The following CPLANE1 variants were observed in gnomAD, a reference collection of about 807,000 sequenced individuals.
CPLANE1 encodes the protein ciliogenesis and planar polarity effector complex subunit 1.
Under a neutral mutation model 362.5 loss-of-function variants are expected in CPLANE1, and 263 were observed. That is an observed-to-expected ratio of 0.73 (90% confidence interval 0.66 to 0.80). The LOEUF (loss-of-function observed/expected upper bound fraction) is 0.80, where lower values mean the gene tolerates loss of function less well. Among genes scored for constraint, CPLANE1 ranks in the 30% least tolerant of loss-of-function variants. The probability of loss-of-function intolerance (pLI) is 0.00; values close to 1 mark genes in which losing one functional copy is unlikely to be tolerated. For synonymous variants in CPLANE1, 1,212 were observed against 1,302.6 expected (o/e 0.93, Z 1.50); for missense variants, 3,461 against 3,793.4 (o/e 0.91, Z 2.30).
chr5:37,150,811 C>A (rs1773321567), intron 42 of CPLANE1, among the ~76,000 whole-genome samples: 1 of 152,148 alleles, frequency 6.6e-6, no homozygotes, highest in Non-Finnish European at 1.5e-5. Context: ...GTTAATAACA[C>A]AGATTCCAGG....
intron 6 of CPLANE1, among the ~76,000 whole-genome samples, chr5:37,242,806 T>A: frequency 6.6e-6 from 1 of 151,546 alleles, no homozygotes; most frequent in Non-Finnish European, 1.5e-5. Flanking sequence ...GCAGGAGGAC[T>A]GCTTGAGCCC....
chr5:37,116,050 G>T (rs1561297055), intron 50 of CPLANE1, among the ~76,000 whole-genome samples: 2 of 151,880 alleles, frequency 1.3e-5, no homozygotes, highest in Non-Finnish European at 2.9e-5. Flanking sequence ...ACTTTGGGAG[G>T]CCAACATGGG....
At chr5:37,193,280 G>C (rs970170253) in intron 21 of CPLANE1, among the ~76,000 whole-genome samples, 1 of 152,150 alleles carries the variant, frequency 6.6e-6, no homozygotes, top group Non-Finnish European at 1.5e-5. Flanking sequence ...GACAATTGTT[G>C]CAAGTGGGTG....
chr5:37,096,469 G>A, the CPLANE1 span, among the ~76,000 whole-genome samples: 1 of 152,096 alleles, frequency 6.6e-6, no homozygotes, highest in Non-Finnish European at 1.5e-5. Flanking sequence ...GATAACATTG[G>A]AAAACCCCTT....
chr5:37,224,468 A>C, intron 13 of CPLANE1, 64 bp downstream of exon 13: 4 of 1,345,496 alleles, frequency 3.0e-6, no homozygotes, highest in Non-Finnish European at 4.1e-6. Flanking sequence ...CCAATTAGAA[A>C]TTCAAAGTCT....
intron 46 of CPLANE1, among the ~76,000 whole-genome samples, chr5:37,130,107 G>C (rs1234068053): frequency 6.6e-6 from 1 of 152,176 alleles, no homozygotes; most frequent in Non-Finnish European, 1.5e-5. Context: ...AACCTGGATG[G>C]AATTGGAGAC....
chr5:37,115,940 T>A (rs1452536919), intron 50 of CPLANE1, among the ~76,000 whole-genome samples: 1 of 151,986 alleles, frequency 6.6e-6, no homozygotes, highest in African/African-American at 2.4e-5. Context: ...ACTAATCATA[T>A]AATCTTTGTA....
chr5:37,241,111 G>T (rs925504523), intron 6 of CPLANE1, among the ~76,000 whole-genome samples: 63 of 151,904 alleles, frequency 4.1e-4, no homozygotes, highest in African/African-American at 1.5e-3. Context: ...ACTCCAGCCT[G>T]GGCAACAGAG....
chr5:37,209,691 G>A lies in CPLANE1; in HGVS notation c.2921-3266C>T. 2 of 1,264,572 alleles carry A rather than the reference G, an allele frequency of 1.6e-6. No homozygotes were observed. Among genetic ancestry groups the A allele is most frequent in the East Asian group, 4.6e-5 (2 of 43,108 alleles). 78.3% of individuals were successfully genotyped at this position (1,264,572 alleles called of 1,614,324 possible). Reference sequence around the variant, plus strand: ...AAAAGAAAAGGTATTTACTATGCAGGATCTATTACAACTCATTAAAATCAA... The same window carrying A: ...AAAAGAAAAGGTATTTACTATGCAGAATCTATTACAACTCATTAAAATCAA... On this transcript the variant is annotated intron_variant, in intron 16 of 52. Transcript: ENST00000651892. This position sits in a 1 kb window ranked among gnomAD's most constrained non-coding sequence, Gnocchi z 4.6.
At chr5:37,204,656 C>T (rs139760644) in intron 18 of CPLANE1, among the ~76,000 whole-genome samples, 1 of 151,452 alleles carries the variant, frequency 6.6e-6, no homozygotes, top group East Asian at 1.9e-4. Flanking sequence ...TGTATGAAGG[C>T]TACTCTCAAC....
In CPLANE1 at chr5:37,209,960, G is replaced by A. The variant is rs547919646; in HGVS notation, c.2921-3535C>T. ...TCAAGTTTGAGTCTTTAGAAATAAA[G>A]CTAAATGAATATAAGAGAGAAATAG... On this transcript the variant is annotated intron_variant, in intron 16 of 52. Transcript: ENST00000651892. This position sits in a 1 kb window ranked among gnomAD's most constrained non-coding sequence, Gnocchi z 4.6. 16 of 1,080,438 alleles carry A rather than the reference G, an allele frequency of 1.5e-5. No individual in the cohort carries two copies. Among genetic ancestry groups the A allele is most frequent in the Middle Eastern group, 2.9e-4 (1 of 3,456 alleles). The allele number at this position is 1,080,438 out of a possible 1,614,324, so 66.9% of individuals were successfully genotyped here. A position where few individuals can be genotyped will look rare whatever the true frequency, so the allele number is the denominator to read the frequency against.
At chr5:37,162,831 C>T (rs915599517) in intron 37 of CPLANE1, among the ~76,000 whole-genome samples, 4 of 152,238 alleles carry the variant, frequency 2.6e-5, no homozygotes, top group Admixed American at 1.3e-4. Flanking sequence ...AGGTGCCCAC[C>T]ACCATGCCTG....
the CPLANE1 span, among the ~76,000 whole-genome samples, chr5:37,076,119 G>A: frequency 6.6e-6 from 1 of 151,870 alleles, no homozygotes; most frequent in Non-Finnish European, 1.5e-5. Context: ...AGCCAGGCAT[G>A]GTGGTGTTTA....
At chr5:37,220,848 C>T (rs1795212148) in intron 15 of CPLANE1, among the ~76,000 whole-genome samples, 1 of 152,110 alleles carries the variant, frequency 6.6e-6, no homozygotes, top group Non-Finnish European at 1.5e-5. Context: ...AAAATATTCT[C>T]GGAAAATGAT....
chr5:37,079,436 T>A, the CPLANE1 span, among the ~76,000 whole-genome samples: 1 of 152,194 alleles, frequency 6.6e-6, no homozygotes, highest in Admixed American at 6.5e-5. Context: ...TGAACCTATT[T>A]AAAATGTTGT....
chr5:37,227,498 A>C, intron 10 of CPLANE1, 70 bp downstream of exon 10: 1 of 1,486,260 alleles, frequency 6.7e-7, no homozygotes, highest in Non-Finnish European at 9.0e-7. Context: ...CAAGGACATT[A>C]TTGTCAGTAA....
Position 37,198,735 on chromosome 5 carries a change from C to T in CPLANE1, c.3639G>A (p.Leu1213=). Residue 1213 remains leucine (L), a synonymous_variant, in exon 20 of 53, where the codon TTG becomes TTA. Transcript: ENST00000651892. ...CSFPVAQWYI[L]QLRWARKVMQ... is the part of the protein sequence containing the mutation. ...TGACTTTTCTTGCCCACCTCAACTG[C>T]AATATATACCACTGTGCTACAGGAA... The T allele has an allele frequency of 6.2e-7, 1 of 1,613,956 alleles. No homozygotes were observed. The highest frequency in any genetic ancestry group is 8.5e-7 in the Non-Finnish European group (1 of 1,179,950).
chr5:37,182,095 AAAAACAAAAAACAAAAC>A (rs1363383253), intron 26 of CPLANE1, among the ~76,000 whole-genome samples: 1 of 152,164 alleles, frequency 6.6e-6, no homozygotes, highest in East Asian at 1.9e-4. Flanking sequence ...CCATCTCAAA[AAAAACAAAAAACAAAAC>A]AAAACAAAAA....
In CPLANE1 at chr5:37,179,240, G is replaced by C. The variant is rs190510046; in HGVS notation, c.5820+121C>G. 5.8e-4 allele frequency: 389 copies of C among 671,524 alleles called. 1 individual carries two copies. The highest frequency in any genetic ancestry group is 8.7e-4 in the Non-Finnish European group (342 of 394,106). 41.6% of individuals were successfully genotyped at this position (671,524 alleles called of 1,614,324 possible). ...GCATGGCTATATTCTACAACCCATGGTGCATTTTTAAGAGCTAGCCCTGCT... is the reference window on the plus strand; with the variant it reads ...GCATGGCTATATTCTACAACCCATGCTGCATTTTTAAGAGCTAGCCCTGCT... On this transcript the variant is annotated intron_variant, in intron 29 of 52. Coordinates refer to ENST00000651892, the MANE Select transcript of CPLANE1 (RefSeq NM_001384732.1).
Sources: allele counts gnomAD v4.1 joint callset (sites outside exome capture counted in the v4.1 genomes callset), GRCh38; gene constraint gnomAD v4.1.1; non-coding constraint Gnocchi (gnomAD v3.1); transcripts MANE v1.5; gene names NCBI Gene and HGNC (gene_info 2026-07-23, HGNC 2026-07-21).